The following MUC4 variants were observed in gnomAD, a reference collection of about 807,000 sequenced individuals.
MUC4 encodes mucin 4, cell surface associated.
In MUC4, 202 loss-of-function variants were observed where a neutral mutation model predicts 257.9. The observed-to-expected ratio is 0.78, with a 90% CI of 0.70 to 0.88. MUC4 has a LOEUF of 0.88. MUC4 is among the 40% of genes least tolerant of loss of function. MUC4 has a pLI of 0.00. For synonymous variants in MUC4, 2,351 were observed against 2,757.1 expected, an observed-to-expected ratio of 0.85 and a Z score of 4.62; for missense variants, 5,976 against 6,513.7, an observed-to-expected ratio of 0.92 and a Z score of 2.84.
chr3:195,789,348 TAC>T lies in MUC4; in HGVS notation c.2230_2231del (p.Val744SerfsTer21). Reference sequence around the variant, plus strand: ...CTTCTGGGCCCCCTGGTGTTGACACTACAGAGTTGGCCAGAGTAAGGGCACCT... The same window carrying T: ...CTTCTGGGCCCCCTGGTGTTGACACTAGAGTTGGCCAGAGTAAGGGCACCT... ...KTGALTLANS[V>X]VSTPGGPEGQ... On this transcript the variant is annotated frameshift_variant, in exon 2 of 25. Transcript: ENST00000463781. LOFTEE classifies it high-confidence loss of function. 6.2e-7 allele frequency: 1 copy of T among 1,613,910 alleles called. No homozygotes were observed. Among genetic ancestry groups the T allele is most frequent in the Non-Finnish European group, 8.5e-7 (1 of 1,179,874 alleles).
In MUC4 at chr3:195,761,092, A is replaced by G; in HGVS notation, c.14640T>C (p.Leu4880=). ...MTWQINGTGL[L]GKRNDQLPSN... is the part of the protein sequence containing the mutation. ...AAGGCAGCTGGTCATTCCTCTTGCC[A>G]AGGAGGCCTGTCCCGTTGATCTGCC... The change falls in exon 16 of 25, where the codon CTT becomes CTC. Residue 4880 remains leucine (L), a synonymous_variant. Coordinates refer to ENST00000463781, the MANE Select transcript of MUC4 (RefSeq NM_018406.7). 6.2e-7 allele frequency: 1 copy of G among 1,614,168 alleles called. No individual in the cohort carries two copies. The highest frequency in any genetic ancestry group is 8.5e-7 in the Non-Finnish European group (1 of 1,180,010).
chr3:195,764,869 C>T (rs530139514), intron 10 of MUC4, 128 bp downstream of exon 10: 28 of 1,358,230 alleles, frequency 2.1e-5, no homozygotes, highest in South Asian at 4.0e-5. Flanking sequence ...AGCTTCCTAA[C>T]GTTACCCGAT....
intron 4 of MUC4, 121 bp from the exon 5 acceptor site, chr3:195,771,937 C>T (rs1355967122): frequency 1.1e-5 from 12 of 1,075,278 alleles, no homozygotes; most frequent in Non-Finnish European, 1.6e-5. Flanking sequence ...TGCTAACAAC[C>T]CCTGGAAGTC....
chr3:195,780,179 C>G lies in MUC4; in HGVS notation c.11401G>C (p.Ala3801Pro), dbSNP rs745882209. 4.0e-6 allele frequency: 6 copies of G among 1,495,770 alleles called. No homozygotes were observed. The East Asian group carries it at 1.3e-4, about 31-fold the overall frequency. The allele number at this position is 1,495,770 out of a possible 1,614,324, so 92.7% of individuals were successfully genotyped here. Residue 3801 changes from alanine to proline, a missense_variant, in exon 2 of 25, where the codon GCA becomes CCA. Ala to Pro is a conservative substitution (Grantham distance 27). Coordinates refer to ENST00000463781, the MANE Select transcript of MUC4 (RefSeq NM_018406.7). ...AGAGGGGTGGCCTGACCTGTGGATG[C>G]TGAGGAAGTGTCGGTGACAGGAAGA... ...TPLPVTDTSS[A>P]STGQATPLPV...
At chr3:195,762,292 G>C (rs745799480) in intron 13 of MUC4, 38 bp from the exon 14 acceptor site, 3 of 1,536,518 alleles carry the variant, frequency 2.0e-6, no homozygotes, top group South Asian at 1.2e-5. Flanking sequence ...AAGCCAGGTC[G>C]GCACCACGGC....
At chr3:195,761,736 G>A (rs1718961846) in intron 14 of MUC4, 151 bp from the exon 15 acceptor site, 3 of 655,708 alleles carry the variant, frequency 4.6e-6, no homozygotes, top group Non-Finnish European at 7.9e-6. Flanking sequence ...GGGAGGACGG[G>A]CCCTCACACC....
chr3:195,785,989 GA>G lies in MUC4; in HGVS notation c.5590del (p.Ser1864GlnfsTer1140). On this transcript the variant is annotated frameshift_variant, in exon 2 of 25. Transcript: ENST00000463781. LOFTEE classifies it high-confidence loss of function. ...AGAGGTGGCGTGACCTGTGGACACTGAGGAAGCGTCGGTGACAGGAAGAGAG... is the reference window on the plus strand; with the variant it reads ...AGAGGTGGCGTGACCTGTGGACACTGGGAAGCGTCGGTGACAGGAAGAGAG... ...TTSLPVTDAS[S>X]VSTGHATSLL... 6.6e-7 allele frequency: 1 copy of G among 1,520,420 alleles called. No homozygotes were observed. The highest frequency in any genetic ancestry group is 2.1e-5 in the Admixed American group (1 of 47,734). The allele number at this position is 1,520,420 out of a possible 1,614,324, so 94.2% of individuals were successfully genotyped here.
intron 19 of MUC4, 161 bp from the exon 20 acceptor site, chr3:195,753,391 C>T (rs1716875850): frequency 6.0e-6 from 4 of 669,216 alleles, no homozygotes; most frequent in Non-Finnish European, 1.0e-5. Context: ...AGGCGTTTCT[C>T]TGCAGGGCAA....
At position 195,778,312 on chromosome 3, in the gene MUC4, GC is replaced by G; in HGVS notation, c.12933del (p.Pro4312LeufsTer115). On this transcript the variant is annotated frameshift_variant, in exon 3 of 25. Transcript: ENST00000463781. LOFTEE classifies it high-confidence loss of function. ...TRSTAAPIPI[L>X]PERGVSLFPY... ...ACCTGTATGGCCTCACCTCTCTCAG[GC>G]AGGATGGGGATGGGGGCAGCTGTGG... The G allele has an allele frequency of 6.2e-7, 1 of 1,610,132 alleles. No individual in the cohort carries two copies. The highest frequency in any genetic ancestry group is 8.5e-7 in the Non-Finnish European group (1 of 1,178,898).
At position 195,790,087 on chromosome 3, in the gene MUC4, G is replaced by T. The variant is rs756079923; in HGVS notation, c.1493C>A (p.Thr498Lys). Residue 498 changes from threonine to lysine, a missense_variant, in exon 2 of 25, where the codon ACA becomes AAA. Thr to Lys is a moderately conservative substitution (Grantham distance 78). Transcript: ENST00000463781. ...GGGCAGTTCTGTTTGTGACCAAGTTGTGTGGCCTTTGCTGGAGAATGAGGA... is the reference window on the plus strand; with the variant it reads ...GGGCAGTTCTGTTTGTGACCAAGTTTTGTGGCCTTTGCTGGAGAATGAGGA... ...WPSSFSSKGHTTWSQTELPST... is the reference protein window; with the variant it reads ...WPSSFSSKGHKTWSQTELPST... 1 of 1,614,046 alleles carries T rather than the reference G, an allele frequency of 6.2e-7. No homozygotes were observed. The highest frequency in any genetic ancestry group is 1.1e-5 in the South Asian group (1 of 91,086).
In MUC4 at chr3:195,774,256, G is replaced by A. The variant is rs1158937289; in HGVS notation, c.12993C>T (p.Val4331=). The change falls in exon 4 of 25, where the codon GTC becomes GTT. Residue 4331 remains valine, a synonymous_variant. Coordinates refer to ENST00000463781, the MANE Select transcript of MUC4 (RefSeq NM_018406.7). ...YGAGAGDLEF[V]RRTVDFTSPL... is the part of the protein sequence containing the mutation. ...GGGAGGTGAAGTCCACGGTCCTCCT[G>A]ACGAACTCCAGGTCCCCGGCGCCTG... is the stretch of plus-strand genomic sequence containing the variant. 7 of 1,600,320 alleles carry A rather than the reference G, an allele frequency of 4.4e-6. No homozygotes were observed. Among genetic ancestry groups the A allele is most frequent in the Non-Finnish European group, 6.0e-6 (7 of 1,174,386 alleles).
rs756179633 is a variant in MUC4, at chr3:195,791,420, G to A, written c.160C>T (p.Leu54=). Residue 54 remains leucine (L), a synonymous_variant, in exon 2 of 25, where the codon CTA becomes TTA. Transcript: ENST00000463781. ...VTSTGSTTAT[L]EGQSTAASSR... Reference sequence around the variant, plus strand: ...GAAGCTGCAGTTGATTGTCCCTCTAGTGTCGCTGTTGTTGAGCCTGTTGAG... The same window carrying A: ...GAAGCTGCAGTTGATTGTCCCTCTAATGTCGCTGTTGTTGAGCCTGTTGAG... 1.9e-6 allele frequency: 3 copies of A among 1,613,970 alleles called. No individual in the cohort carries two copies. The South Asian group carries it at 3.3e-5, about 18-fold the overall frequency.
intron 1 of MUC4, among the ~76,000 whole-genome samples, chr3:195,806,319 G>A (rs75411247): frequency 0.079 from 11,971 of 152,044 alleles, 692 homozygotes; most frequent in East Asian, 0.25. Flanking sequence ...TCAGCTCCCC[G>A]CAGAACGGTT....
Position 195,751,017 on chromosome 3 carries a change from A to C in MUC4, c.15743T>G (p.Leu5248Arg). The C allele has an allele frequency of 6.2e-7, 1 of 1,614,062 alleles. No individual in the cohort carries two copies. The highest frequency in any genetic ancestry group is 8.5e-7 in the Non-Finnish European group (1 of 1,179,988). ...CACCGCGGCCAGCAGCTGGTTGTTC[A>C]GGAAGTCAATGACCGGGCCCCGAGG... ...YRPRGPVIDF[L>R]NNQLLAAVVE... Residue 5248 changes from leucine to arginine, a missense_variant, in exon 23 of 25, where the codon CTG becomes CGG. Physicochemically the swap from Leu to Arg is moderately radical, Grantham distance 102. Around this residue, in one of 44 missense-constraint regions of MUC4, gnomAD observed 310 missense variants for 242.1 expected, o/e 1.28. Coordinates refer to ENST00000463781, the MANE Select transcript of MUC4 (RefSeq NM_018406.7).
chr3:195,805,829 A>G (rs1045486580), intron 1 of MUC4, among the ~76,000 whole-genome samples: 1 of 151,702 alleles, frequency 6.6e-6, no homozygotes, highest in Non-Finnish European at 1.5e-5. Flanking sequence ...AAAATCCATA[A>G]TCTGGGCCGG....
chr3:195,767,567 CCACCATCACCACCACCAT>C (rs1721130712), intron 7 of MUC4, among the ~76,000 whole-genome samples: 1 of 109,216 alleles, frequency 9.2e-6, no homozygotes, highest in Non-Finnish European at 1.8e-5. Context: ...ACCATTGCCA[CCACCATCACCACCACCAT>C]CACCACCACC....
At chr3:195,811,659 G>T in intron 1 of MUC4, 77 bp downstream of exon 1, 4 of 1,293,302 alleles carry the variant, frequency 3.1e-6, no homozygotes, top group South Asian at 1.3e-5. Flanking sequence ...TGTCTCCCCG[G>T]ACCTCTTTCT....
At chr3:195,763,347 G>A (rs773749786) in intron 12 of MUC4, 86 bp downstream of exon 12, 17 of 1,295,928 alleles carry the variant, frequency 1.3e-5, no homozygotes, top group Admixed American at 1.1e-4. Flanking sequence ...CCCCTCCTTC[G>A]CTCTCTTCCT....
intron 1 of MUC4, among the ~76,000 whole-genome samples, chr3:195,804,162 C>T (rs1206320076): frequency 1.3e-5 from 2 of 152,218 alleles, no homozygotes; most frequent in Non-Finnish European, 2.9e-5. Context: ...ACGTTCCCCA[C>T]ATCTGAGTCC....
Sources: gnomAD v4.1 joint callset for allele counts (sites outside exome capture counted in the v4.1 genomes callset) on GRCh38, gnomAD v4.1.1 for gene constraint, gnomAD v4.1.1 regional missense constraint, MANE v1.5 for transcripts, NCBI Gene and HGNC (gene_info 2026-07-23, HGNC 2026-07-21) for gene names.